NRG3: variants seen among roughly 807,000 people sequenced by gnomAD.
NRG3 encodes the protein pro-neuregulin-3, membrane-bound isoform.
NRG3 carries 31 observed loss-of-function variants against 66.9 expected under a neutral mutation model. The observed-to-expected ratio is 0.46, with a 90% CI of 0.35 to 0.63. The LOEUF (loss-of-function observed/expected upper bound fraction) is 0.63, where lower values mean the gene tolerates loss of function less well. NRG3 is among the 20% of genes least tolerant of loss of function. The pLI, the probability that NRG3 is intolerant of heterozygous loss-of-function variation, is 0.00. For synonymous variants in NRG3, 393 were observed against 359.4 expected, an observed-to-expected ratio of 1.09 and a Z score of -1.06; for missense variants, 910 against 878.9, an observed-to-expected ratio of 1.04 and a Z score of -0.45.
intron 2 of NRG3, among the ~76,000 whole-genome samples, chr10:82,626,436 C>T (rs995953530): frequency 2.6e-5 from 4 of 152,050 alleles, no homozygotes; most frequent in Admixed American, 2.0e-4. Context: ...GTGTTTTGAA[C>T]CTGATCCAGG....
intron 3 of NRG3, among the ~76,000 whole-genome samples, chr10:82,791,681 C>T (rs2135375248): frequency 1.3e-5 from 2 of 152,228 alleles, no homozygotes; most frequent in Middle Eastern, 6.8e-3. Flanking sequence ...ATTTTCAAAG[C>T]CCAGTAGGAA....
At chr10:82,116,676 A>G (rs1451642992) in intron 1 of NRG3, among the ~76,000 whole-genome samples, 1 of 152,126 alleles carries the variant, frequency 6.6e-6, no homozygotes, top group East Asian at 1.9e-4. Context: ...TTTGTAAACA[A>G]AAGTGTTTAA....
rs559670792 is a variant in NRG3 at position 82,368,137 on chromosome 10, A to T, written c.953+9269A>T. Among the ~76,000 whole-genome samples the T allele has an allele frequency of 2.8e-5, 3 of 105,754 alleles. 1 individual carries two copies. In the South Asian group the frequency reaches 7.4e-4, roughly 26 times the overall value. 69.4% of individuals were successfully genotyped at this position (105,754 alleles called of 152,430 possible). A position where few individuals can be genotyped will look rare whatever the true frequency, so the allele number is the denominator to read the frequency against. ...GAGGCTTGATATAGGTAAAGTTGAG[A>T]TGCCTGGTATTGAGTAAACACAGGG... On this transcript the variant is annotated intron_variant, in intron 2 of 8. Transcript: ENST00000372141.
At chr10:82,023,327 C>T (rs2062146088) in intron 1 of NRG3, among the ~76,000 whole-genome samples, 1 of 151,746 alleles carries the variant, frequency 6.6e-6, no homozygotes, top group African/African-American at 2.4e-5. Context: ...TTTCTTTTTT[C>T]ACAATTTGGG....
chr10:82,568,982 A>G (rs538948044), intron 2 of NRG3, among the ~76,000 whole-genome samples: 2 of 151,918 alleles, frequency 1.3e-5, no homozygotes, highest in South Asian at 4.1e-4. Context: ...AAGCCTTCTA[A>G]CATGTCAGGT....
intron 2 of NRG3, among the ~76,000 whole-genome samples, chr10:82,459,898 C>T (rs1047445538): frequency 6.6e-6 from 1 of 152,168 alleles, no homozygotes; most frequent in Admixed American, 6.5e-5. Context: ...GCTCATTGCT[C>T]TGGTTGTCAG....
chr10:82,296,582 T>C (rs572515217), intron 1 of NRG3, among the ~76,000 whole-genome samples: 6 of 152,320 alleles, frequency 3.9e-5, no homozygotes, highest in Admixed American at 3.9e-4. Context: ...ATTTTGACCA[T>C]GCATACAAAT....
At chr10:82,502,097 G>A (rs1214181530) in intron 2 of NRG3, among the ~76,000 whole-genome samples, 2 of 152,174 alleles carry the variant, frequency 1.3e-5, no homozygotes, top group Non-Finnish European at 2.9e-5. Flanking sequence ...GGTGAGATAA[G>A]CATATGTCAA....
chr10:82,451,230 A>G (rs750474064), intron 2 of NRG3, among the ~76,000 whole-genome samples: 13 of 152,184 alleles, frequency 8.5e-5, no homozygotes, highest in Non-Finnish European at 1.8e-4. Context: ...TAACTCATCT[A>G]GATGACTCAA....
At chr10:82,107,398 A>G (rs1564569305) in intron 1 of NRG3, among the ~76,000 whole-genome samples, 1 of 152,228 alleles carries the variant, frequency 6.6e-6, no homozygotes, top group Non-Finnish European at 1.5e-5. Flanking sequence ...TGTTGCTGAT[A>G]AGGACCATGA....
chr10:82,074,886 A>G (rs979108857), intron 1 of NRG3, among the ~76,000 whole-genome samples: 2 of 152,176 alleles, frequency 1.3e-5, no homozygotes, highest in African/African-American at 2.4e-5. Flanking sequence ...AAATTCAGCC[A>G]CATTGTCCTC....
chr10:82,332,276 T>C (rs149495995), intron 1 of NRG3, among the ~76,000 whole-genome samples: 3 of 152,332 alleles, frequency 2.0e-5, no homozygotes, highest in East Asian at 3.9e-4. Context: ...GTTTGGTACA[T>C]GCTGTGTTTG....
At chr10:82,186,549 T>G (rs1180481748) in intron 1 of NRG3, among the ~76,000 whole-genome samples, 1 of 152,198 alleles carries the variant, frequency 6.6e-6, no homozygotes, top group East Asian at 1.9e-4. Context: ...TACTGTATAT[T>G]GCAGCTGGAA....
intron 1 of NRG3, among the ~76,000 whole-genome samples, chr10:82,090,775 C>T (rs111340809): frequency 9.7e-4 from 148 of 152,160 alleles, no homozygotes; most frequent in African/African-American, 3.3e-3. Flanking sequence ...AATGGGAATC[C>T]GATAACATGG....
At chr10:82,771,819 T>C (rs1208794659) in intron 3 of NRG3, among the ~76,000 whole-genome samples, 1 of 152,122 alleles carries the variant, frequency 6.6e-6, no homozygotes, top group Non-Finnish European at 1.5e-5. Flanking sequence ...TATTTTTTTT[T>C]CCTCCCAATT....
chr10:82,244,098 C>T (rs2077126144), intron 1 of NRG3, among the ~76,000 whole-genome samples: 1 of 152,146 alleles, frequency 6.6e-6, no homozygotes, highest in African/African-American at 2.4e-5. Flanking sequence ...TTCTTTTCAT[C>T]ATCAACAGGC....
intron 1 of NRG3, among the ~76,000 whole-genome samples, chr10:82,301,805 T>A (rs1301524581): frequency 6.6e-6 from 1 of 151,552 alleles, no homozygotes; most frequent in African/African-American, 2.4e-5. Flanking sequence ...TTGCTAATTA[T>A]GTTACTGTTA....
rs1207019382 is a variant in NRG3, at chr10:82,102,487, G to A, written c.823+226324G>A. Among the ~76,000 whole-genome samples the A allele has an allele frequency of 2.0e-5, 3 of 150,894 alleles. No individual in the cohort carries two copies. In the East Asian group the frequency reaches 5.9e-4, roughly 29 times the overall value. ...ATTGACATGGTTTTATTTAGGTTTAGCTTTTTTATTAGTTAGATTTTTTTT... is the reference window on the plus strand; with the variant it reads ...ATTGACATGGTTTTATTTAGGTTTAACTTTTTTATTAGTTAGATTTTTTTT... On this transcript the variant is annotated intron_variant, in intron 1 of 8. Transcript: ENST00000372141.
intron 1 of NRG3, among the ~76,000 whole-genome samples, chr10:81,915,422 T>C (rs1564654057): frequency 6.7e-6 from 1 of 150,302 alleles, no homozygotes; most frequent in East Asian, 2.0e-4. Flanking sequence ...GGAGATGAGG[T>C]GGGTGTTGGG....
Sources: gnomAD v4.1 joint callset for allele counts (sites outside exome capture counted in the v4.1 genomes callset) on GRCh38, gnomAD v4.1.1 for gene constraint, MANE v1.5 for transcripts, NCBI Gene and HGNC (gene_info 2026-07-23, HGNC 2026-07-21) for gene names.